The following CDCA4 variants were observed in gnomAD, a reference collection of about 807,000 sequenced individuals.
CDCA4 encodes the protein cell division cycle associated 4.
For missense variants in CDCA4, 294 were observed against 322.1 expected, an observed-to-expected ratio of 0.91 and a Z score of 0.67; for synonymous variants, 130 against 137.0, an observed-to-expected ratio of 0.95 and a Z score of 0.36.
In CDCA4 at chr14:105,011,119, C is replaced by A; in HGVS notation, c.*85G>T. ...AGCAGACAGGGCAGCAAGGCTGGGCCGCTGGCGGCAGGCGCACCCTCCGTG... is the reference window on the plus strand; with the variant it reads ...AGCAGACAGGGCAGCAAGGCTGGGCAGCTGGCGGCAGGCGCACCCTCCGTG... On this transcript the variant is annotated 3_prime_UTR_variant, in exon 2 of 2. Coordinates refer to ENST00000336219, the MANE Select transcript of CDCA4 (RefSeq NM_017955.4). 1 of 1,458,512 alleles carries A rather than the reference C, an allele frequency of 6.9e-7. No individual in the cohort carries two copies. Among genetic ancestry groups the A allele is most frequent in the Non-Finnish European group, 9.1e-7 (1 of 1,093,410 alleles). The allele number at this position is 1,458,512 out of a possible 1,614,324, so 90.3% of individuals were successfully genotyped here.
rs2140906856 is a variant in CDCA4 at position 105,010,006 on chromosome 14, CAAAAG to C, written c.*1193_*1197del. 6.6e-6 allele frequency: 1 copy of C among 152,390 alleles called. No individual in the cohort carries two copies. The highest frequency in any genetic ancestry group is 6.5e-5 in the Admixed American group (1 of 15,292). 9.4% of individuals were successfully genotyped at this position (152,390 alleles called of 1,614,324 possible). A position where few individuals can be genotyped will look rare whatever the true frequency, so the allele number is the denominator to read the frequency against. Reference sequence around the variant, plus strand: ...TGATATTTAAGAATGGCTATATGCACAAAAGAAAACACACCTTTTTGGTTAAGGGG... The same window carrying C: ...TGATATTTAAGAATGGCTATATGCACAAAACACACCTTTTTGGTTAAGGGG... On this transcript the variant is annotated 3_prime_UTR_variant, in exon 2 of 2. Coordinates refer to ENST00000336219, the MANE Select transcript of CDCA4 (RefSeq NM_017955.4).
In CDCA4 at chr14:105,011,809, A is replaced by G; in HGVS notation, c.121T>C (p.Ser41Pro). 1 of 1,613,816 alleles carries G rather than the reference A, an allele frequency of 6.2e-7. No homozygotes were observed. The highest frequency in any genetic ancestry group is 1.3e-5 in the African/African-American group (1 of 75,060). The change falls in exon 2 of 2, where the codon TCT (serine) becomes CCT (proline). Residue 41 changes from serine to proline, a missense_variant. Transcript: ENST00000336219. ...SLQRQSLLDM[S>P]LVKLQLCHML... ...TGGCAAAGCTGCAACTTCACCAGAG[A>G]CATGTCCAGGAGCGACTGCCGCTGC...
intron 1 of CDCA4, among the ~76,000 whole-genome samples, chr14:105,018,654 A>T (rs1265693412): frequency 6.6e-6 from 1 of 151,976 alleles, no homozygotes; most frequent in African/African-American, 2.4e-5. Context: ...CTTCTGCCTG[A>T]GGCTGCTTAA....
At chr14:105,011,957 C>T in intron 1 of CDCA4, 22 bp from the exon 2 acceptor site, 1 of 1,577,150 alleles carries the variant, frequency 6.3e-7, no homozygotes, top group South Asian at 1.2e-5. Context: ...AAGGAAGACA[C>T]CACTTAGCAC....
intron 1 of CDCA4, among the ~76,000 whole-genome samples, chr14:105,012,598 AGCGAGT>A (rs1335995951): frequency 6.6e-6 from 1 of 152,230 alleles, no homozygotes; most frequent in Non-Finnish European, 1.5e-5. Context: ...CATCCCATGC[AGCGAGT>A]GGTCTGTGTT....
In CDCA4 at chr14:105,011,368, A is replaced by T; in HGVS notation, c.562T>A (p.Tyr188Asn). 5 of 1,614,222 alleles carry T rather than the reference A, an allele frequency of 3.1e-6. No individual in the cohort carries two copies. Among genetic ancestry groups the T allele is most frequent in the Non-Finnish European group, 3.4e-6 (4 of 1,180,030 alleles). Residue 188 changes from tyrosine (Y) to asparagine (N), a missense_variant, in exon 2 of 2, where the codon TAC (tyrosine) becomes AAC (asparagine). Tyr to Asn is a moderately radical substitution (Grantham distance 143). Coordinates refer to ENST00000336219, the MANE Select transcript of CDCA4 (RefSeq NM_017955.4). ...EELFSDVDSP[Y>N]YDLDTVLTGM... ...GTCAGTACTGTGTCCAGGTCGTAGT[A>T]GGGGCTGTCCACGTCTGAGAACAGC... is the stretch of plus-strand genomic sequence containing the variant.
intron 1 of CDCA4, among the ~76,000 whole-genome samples, chr14:105,018,103 A>G (rs1886134805): frequency 6.6e-6 from 1 of 151,748 alleles, no homozygotes. Flanking sequence ...GGGAAATGCT[A>G]CAAGGGGCCA....
chr14:105,017,613 CCAGGT>C (rs1886113593), intron 1 of CDCA4, among the ~76,000 whole-genome samples: 1 of 152,046 alleles, frequency 6.6e-6, no homozygotes, highest in Non-Finnish European at 1.5e-5. Context: ...AGGCGGATCA[CCAGGT>C]CAGGAGATTG....
intron 1 of CDCA4, among the ~76,000 whole-genome samples, chr14:105,018,754 T>C (rs34971388): frequency 7.1e-6 from 1 of 140,482 alleles, no homozygotes; most frequent in East Asian, 2.0e-4. Context: ...TTTTTTTTTT[T>C]AAGACAGAGT....
At chr14:105,017,367 C>T (rs1208017783) in intron 1 of CDCA4, among the ~76,000 whole-genome samples, 4 of 152,046 alleles carry the variant, frequency 2.6e-5, no homozygotes, top group Admixed American at 6.5e-5. Context: ...GGATTATAGG[C>T]GTGCACCACC....
intron 1 of CDCA4, among the ~76,000 whole-genome samples, chr14:105,020,469 G>A (rs923201380): frequency 7.9e-5 from 12 of 152,350 alleles, no homozygotes; most frequent in Middle Eastern, 3.4e-3. Flanking sequence ...AGTGTCTCGG[G>A]GACTTTCCCT....
chr14:105,019,434 A>G (rs1242081356), intron 1 of CDCA4, among the ~76,000 whole-genome samples: 3 of 152,240 alleles, frequency 2.0e-5, no homozygotes, highest in Non-Finnish European at 2.9e-5. Flanking sequence ...GATTCTGATC[A>G]GTAGGGCTGG....
intron 1 of CDCA4, among the ~76,000 whole-genome samples, chr14:105,016,807 CTT>C (rs1900663390): frequency 6.6e-6 from 1 of 152,228 alleles, no homozygotes; most frequent in Non-Finnish European, 1.5e-5. Flanking sequence ...GCATAATTCT[CTT>C]GAGATCCTTG....
intron 1 of CDCA4, among the ~76,000 whole-genome samples, chr14:105,017,404 A>G (rs1900680807): frequency 6.6e-6 from 1 of 151,928 alleles, no homozygotes; most frequent in African/African-American, 2.4e-5. Context: ...TTGTATTTTT[A>G]ATAGAGCCGG....
intron 1 of CDCA4, among the ~76,000 whole-genome samples, chr14:105,017,793 T>A (rs923976707): frequency 6.6e-6 from 1 of 151,736 alleles, no homozygotes; most frequent in African/African-American, 2.4e-5. Context: ...ATTGCACCAC[T>A]GCACTACAGC....
At chr14:105,020,723 C>T (rs1046055535) in intron 1 of CDCA4, among the ~76,000 whole-genome samples, 1 of 151,810 alleles carries the variant, frequency 6.6e-6, no homozygotes, top group Non-Finnish European at 1.5e-5. Context: ...CTCGGCAAAG[C>T]CCCAGCTCCG....
intron 1 of CDCA4, among the ~76,000 whole-genome samples, chr14:105,015,954 C>T (rs1739086833): frequency 1.3e-5 from 2 of 151,642 alleles, no homozygotes; most frequent in Admixed American, 1.3e-4. Context: ...GCCACCGTGC[C>T]AGGCCAGGAG....
intron 1 of CDCA4, among the ~76,000 whole-genome samples, chr14:105,017,156 G>C (rs535989034): frequency 2.6e-5 from 4 of 152,154 alleles, no homozygotes; most frequent in Non-Finnish European, 5.9e-5. Context: ...TGAGCCTCCA[G>C]AGAGGCTCCT....
At chr14:105,015,935 CA>C (rs1157765584) in intron 1 of CDCA4, among the ~76,000 whole-genome samples, 1 of 152,176 alleles carries the variant, frequency 6.6e-6, no homozygotes, top group Non-Finnish European at 1.5e-5. Flanking sequence ...GCTGGGACTA[CA>C]GGCGTCAGCC....
Sources: allele counts gnomAD v4.1 joint callset (sites outside exome capture counted in the v4.1 genomes callset), GRCh38; gene constraint gnomAD v4.1.1; transcripts MANE v1.5; gene names NCBI Gene and HGNC (gene_info 2026-07-23, HGNC 2026-07-21).